Variants in ADGRL2 observed in about 807,000 individuals in gnomAD.
ADGRL2 encodes the protein calcium-independent alpha-latrotoxin receptor 2.
In ADGRL2, 44 loss-of-function variants were observed where a neutral mutation model predicts 157.4. The ratio of observed to expected loss-of-function variants is 0.28; its 90% confidence interval spans 0.22 to 0.36. ADGRL2 has a LOEUF of 0.36. ADGRL2 is among the 10% of genes least tolerant of loss of function. The probability of loss-of-function intolerance (pLI) is 1.00; values close to 1 mark genes in which losing one functional copy is unlikely to be tolerated. For synonymous variants in ADGRL2, 585 were observed against 624.7 expected (o/e 0.94, Z 0.95); for missense variants, 1,510 against 1,768.9 (o/e 0.85, Z 2.63).
chr1:81,336,856 C>G (rs995265671), intron 1 of ADGRL2, among the ~76,000 whole-genome samples: 1 of 152,156 alleles, frequency 6.6e-6, no homozygotes, highest in East Asian at 1.9e-4. Flanking sequence ...TTTTCAAAAA[C>G]CACCCTGGCC....
At chr1:81,973,854 G>GT (rs1336103701) in intron 17 of ADGRL2, among the ~76,000 whole-genome samples, 5 of 152,042 alleles carry the variant, frequency 3.3e-5, no homozygotes, top group Non-Finnish European at 1.5e-5. Context: ...ATTAAGAGTG[G>GT]TATAGGAGTA....
intron 2 of ADGRL2, among the ~76,000 whole-genome samples, chr1:81,858,237 A>T (rs2093272441): frequency 6.6e-6 from 1 of 152,192 alleles, no homozygotes; most frequent in South Asian, 2.1e-4. Context: ...AAAATTTGAA[A>T]TTCTGTAAAA....
chr1:81,416,490 T>C (rs1372858149), intron 1 of ADGRL2, among the ~76,000 whole-genome samples: 1 of 152,200 alleles, frequency 6.6e-6, no homozygotes, highest in African/African-American at 2.4e-5. Context: ...CTGTTTATCT[T>C]CTCATATTCC....
At position 81,332,757 on chromosome 1, in the gene ADGRL2, G is replaced by C. The variant is rs1433301905; in HGVS notation, c.-302+26248G>C. 5.9e-5 allele frequency among the ~76,000 whole-genome samples: 9 copies of C among 152,266 alleles called. No homozygotes were observed. In the East Asian group the frequency reaches 1.2e-3, roughly 20 times the overall value. ...TGTGCCTTTCACCTTATTTTCTCCA[G>C]TAATACATCAAAGCAAGAAAGTTTT... On this transcript the variant is annotated intron_variant, in intron 1 of 24. Coordinates refer to the ADGRL2 transcript ENST00000370721.
At chr1:81,503,408 C>T (rs2078898788) in intron 2 of ADGRL2, 6 of 1,613,690 alleles carry the variant, frequency 3.7e-6, no homozygotes, top group South Asian at 3.3e-5. Flanking sequence ...CACTGTTCAC[C>T]AAGTCCTACC....
chr1:81,408,842 G>A (rs1035800789), intron 1 of ADGRL2, among the ~76,000 whole-genome samples: 6 of 152,172 alleles, frequency 3.9e-5, no homozygotes, highest in African/African-American at 1.4e-4. Flanking sequence ...CTGCTCTTAA[G>A]CGTTCATTAG....
At chr1:81,823,369 T>TCCCTCCTTCCCTCCTTCCTTCCCTC in intron 1 of ADGRL2, among the ~76,000 whole-genome samples, 1 of 100,398 alleles carries the variant, frequency 1.0e-5, no homozygotes, top group East Asian at 3.6e-4. Flanking sequence ...CTTCCTTCCC[T>TCCCTCCTTCCCTCCTTCCTTCCCTC]CCCCCCTCCC....
At chr1:81,787,131 AT>A (rs755147160) in intron 2 of ADGRL2, among the ~76,000 whole-genome samples, 3 of 152,102 alleles carry the variant, frequency 2.0e-5, no homozygotes, top group Admixed American at 6.6e-5. Flanking sequence ...TCCCGCCATG[AT>A]TCTGAAGCCT....
chr1:81,540,918 GA>G (rs370723091), intron 2 of ADGRL2, among the ~76,000 whole-genome samples: 3,728 of 146,922 alleles, frequency 0.025, 77 homozygotes, highest in Non-Finnish European at 0.036. Flanking sequence ...ATAAGAGAAA[GA>G]AAAAAAAAAT....
At chr1:81,335,066 G>C (rs550906736) in intron 1 of ADGRL2, among the ~76,000 whole-genome samples, 1 of 152,208 alleles carries the variant, frequency 6.6e-6, no homozygotes, top group African/African-American at 2.4e-5. Context: ...TAATAATGAA[G>C]TTAGGTAACT....
intron 1 of ADGRL2, among the ~76,000 whole-genome samples, chr1:81,718,173 C>T (rs979646111): frequency 8.5e-5 from 13 of 152,158 alleles, no homozygotes; most frequent in Non-Finnish European, 1.6e-4. Flanking sequence ...GCACGCGCCA[C>T]CATGCCCAGC....
intron 1 of ADGRL2, among the ~76,000 whole-genome samples, chr1:81,330,674 C>G (rs1159115313): frequency 6.6e-5 from 10 of 152,126 alleles, no homozygotes; most frequent in Non-Finnish European, 1.5e-4. Flanking sequence ...GCTGTTAACA[C>G]ATGGCATACT....
chr1:81,571,610 C>CA (rs1363423969), intron 2 of ADGRL2, among the ~76,000 whole-genome samples: 1 of 151,622 alleles, frequency 6.6e-6, no homozygotes, highest in Non-Finnish European at 1.5e-5. Flanking sequence ...GGAAAGCTGA[C>CA]AGCACCATCA....
At chr1:81,571,764 TTC>T (rs1444306589) in intron 2 of ADGRL2, among the ~76,000 whole-genome samples, 1 of 152,180 alleles carries the variant, frequency 6.6e-6, no homozygotes, top group African/African-American at 2.4e-5. Flanking sequence ...TAATTCTTAA[TTC>T]TGTCTGTATT....
At chr1:81,636,862 G>A (rs1327671825) in intron 3 of ADGRL2, among the ~76,000 whole-genome samples, 1 of 152,092 alleles carries the variant, frequency 6.6e-6, no homozygotes, top group Admixed American at 6.6e-5. Context: ...TTCAAACAGA[G>A]TCTCCCTCTG....
At position 81,977,683 on chromosome 1, in the gene ADGRL2, C is replaced by A. The variant is rs185299685; in HGVS notation, c.3022-2186C>A. ...CATTGTAGTGGATAATGAATAACTT[C>A]TTTCTTTCCAGAATGTTTTAGTACT... On this transcript the variant is annotated intron_variant, in intron 17 of 23. Transcript: ENST00000686636. Among the ~76,000 whole-genome samples, 44 of 151,710 alleles carry A rather than the reference C, an allele frequency of 2.9e-4. No homozygotes were observed. The East Asian group carries it at 8.3e-3, about 29-fold the overall frequency.
chr1:81,911,888 T>TC (rs199632839), intron 3 of ADGRL2, among the ~76,000 whole-genome samples: 1,629 of 151,086 alleles, frequency 0.011, 20 homozygotes, highest in Middle Eastern at 0.027. Flanking sequence ...TTTTTTTTTT[T>TC]TTTTTTGCGG....
chr1:81,841,681 ACACGTG>A (rs1388602208), intron 2 of ADGRL2, among the ~76,000 whole-genome samples: 1 of 152,154 alleles, frequency 6.6e-6, no homozygotes, highest in Non-Finnish European at 1.5e-5. Flanking sequence ...GCACGCGCAT[ACACGTG>A]CACACACACA....
chr1:81,499,026 G>A (rs2078788300), intron 2 of ADGRL2, among the ~76,000 whole-genome samples: 1 of 152,148 alleles, frequency 6.6e-6, no homozygotes, highest in South Asian at 2.1e-4. Flanking sequence ...CACCTGCAGT[G>A]GTTTCTGTGA....
Sources: allele counts gnomAD v4.1 joint callset (sites outside exome capture counted in the v4.1 genomes callset), GRCh38; gene constraint gnomAD v4.1.1; transcripts MANE v1.5; gene names NCBI Gene and HGNC (gene_info 2026-07-23, HGNC 2026-07-21).